Variants in TAF3 observed in about 807,000 individuals in gnomAD.
The protein encoded by TAF3 is transcription initiation factor TFIID subunit 3.
TAF3 carries 7 observed loss-of-function variants against 80.6 expected under a neutral mutation model. The observed-to-expected ratio is 0.09, with a 90% confidence interval of 0.05 to 0.16. TAF3 has a LOEUF of 0.16. TAF3 is among the 10% of genes least tolerant of loss of function. The pLI is 1.00. For synonymous variants in TAF3, 444 were observed against 446.1 expected (o/e 1.00, Z 0.06); for missense variants, 921 against 1,140.2 (o/e 0.81, Z 2.77).
intron 4 of TAF3, among the ~76,000 whole-genome samples, chr10:7,994,013 T>G (rs1237150645): frequency 2.7e-5 from 4 of 150,126 alleles, no homozygotes; most frequent in Non-Finnish European, 5.9e-5. Flanking sequence ...TGTCTCTTTT[T>G]CTCCCCCATC....
intron 2 of TAF3, among the ~76,000 whole-genome samples, chr10:7,880,484 C>T (rs1837350579): frequency 6.6e-6 from 1 of 152,038 alleles, no homozygotes; most frequent in South Asian, 2.1e-4. Context: ...AACAGTGTGC[C>T]ACAGTATTGA....
intron 3 of TAF3, among the ~76,000 whole-genome samples, chr10:7,973,345 C>A (rs1831638574): frequency 6.6e-6 from 1 of 152,166 alleles, no homozygotes; most frequent in Non-Finnish European, 1.5e-5. Flanking sequence ...GGAATGCGTA[C>A]ATGCTAGTGT....
intron 2 of TAF3, among the ~76,000 whole-genome samples, chr10:7,863,124 T>C (rs141108227): frequency 4.6e-5 from 7 of 152,346 alleles, no homozygotes; most frequent in Admixed American, 6.5e-5. Flanking sequence ...TGTGGTGGAC[T>C]AACTTCTTGG....
intron 2 of TAF3, among the ~76,000 whole-genome samples, chr10:7,888,256 C>G (rs1236472602): frequency 6.6e-6 from 1 of 152,084 alleles, no homozygotes. Context: ...TTTTTTGCTT[C>G]TTTACTCCTT....
intron 4 of TAF3, among the ~76,000 whole-genome samples, chr10:7,979,145 C>G (rs1481514596): frequency 6.6e-6 from 1 of 152,022 alleles, no homozygotes; most frequent in Non-Finnish European, 1.5e-5. Context: ...GAGATCGAGA[C>G]CATCCTGTCT....
At chr10:7,840,622 C>T (rs1588519554) in intron 2 of TAF3, among the ~76,000 whole-genome samples, 1 of 151,436 alleles carries the variant, frequency 6.6e-6, no homozygotes. Flanking sequence ...AATTTTCCCA[C>T]GTGTGTGAGG....
intron 2 of TAF3, among the ~76,000 whole-genome samples, chr10:7,845,355 T>G (rs141014025): frequency 3.7e-4 from 57 of 152,324 alleles, no homozygotes; most frequent in Non-Finnish European, 6.5e-4. Context: ...TAGCATAGCT[T>G]AAGTGTAGTG....
chr10:7,818,853 C>T lies in TAF3; in HGVS notation c.144C>T (p.Gly48=). The change falls in exon 1 of 7, where the codon GGC becomes GGT. Residue 48 remains glycine, a synonymous_variant. Coordinates refer to ENST00000344293, the MANE Select transcript of TAF3 (RefSeq NM_031923.4). Reference sequence around the variant, plus strand: ...GCTATCTGCAGCAGCTGGGCCGGGGCTGCCATCGGTACTCTGAGCTCTGTG... The same window carrying T: ...GCTATCTGCAGCAGCTGGGCCGGGGTTGCCATCGGTACTCTGAGCTCTGTG... ...LQRYLQQLGR[G]CHRYSELYGR... The T allele has an allele frequency of 6.5e-7, 1 of 1,530,046 alleles. No homozygotes were observed. The highest frequency in any genetic ancestry group is 8.7e-7 in the Non-Finnish European group (1 of 1,149,824). 94.8% of individuals were successfully genotyped at this position (1,530,046 alleles called of 1,614,324 possible).
In TAF3 at chr10:7,977,141, A is replaced by G. The variant is rs1831681108; in HGVS notation, c.2233-100A>G. On this transcript the variant is annotated intron_variant, in intron 3 of 6. Coordinates refer to ENST00000344293, the MANE Select transcript of TAF3 (RefSeq NM_031923.4). ...AATTTTAGCCATATTTAAGGCTTCA[A>G]CTTTTTAACTCAGTTTGTGAGAGTG... The G allele has an allele frequency of 3.5e-6, 4 of 1,156,338 alleles. No individual in the cohort carries two copies. In the South Asian group the frequency reaches 3.9e-5, roughly 11 times the overall value. The allele number at this position is 1,156,338 out of a possible 1,614,324, so 71.6% of individuals were successfully genotyped here. A position where few individuals can be genotyped will look rare whatever the true frequency, so the allele number is the denominator to read the frequency against.
chr10:7,870,994 G>T (rs1837259956), intron 2 of TAF3, among the ~76,000 whole-genome samples: 1 of 152,110 alleles, frequency 6.6e-6, no homozygotes, highest in African/African-American at 2.4e-5. Context: ...ATCTGTGATA[G>T]AAATTATTTT....
intron 2 of TAF3, among the ~76,000 whole-genome samples, chr10:7,907,512 A>G (rs1837617586): frequency 6.6e-6 from 1 of 152,240 alleles, no homozygotes; most frequent in South Asian, 2.1e-4. Flanking sequence ...AAATAAGCCA[A>G]TTTAAGAGAA....
At chr10:8,006,307 C>T (rs984035553) in intron 4 of TAF3, among the ~76,000 whole-genome samples, 6 of 151,214 alleles carry the variant, frequency 4.0e-5, no homozygotes, top group Non-Finnish European at 8.8e-5. Flanking sequence ...ACCCAGGAGG[C>T]GGAGGTTGCA....
intron 2 of TAF3, among the ~76,000 whole-genome samples, chr10:7,882,817 A>G (rs1034434176): frequency 2.0e-5 from 3 of 152,362 alleles, no homozygotes; most frequent in South Asian, 2.1e-4. Context: ...AGACTTACAG[A>G]AAAGATACAA....
chr10:7,868,955 A>T (rs1388703576), intron 2 of TAF3, among the ~76,000 whole-genome samples: 1 of 152,148 alleles, frequency 6.6e-6, no homozygotes, highest in Non-Finnish European at 1.5e-5. Flanking sequence ...TCCAGAATTT[A>T]TGCTTTTAAT....
intron 3 of TAF3, among the ~76,000 whole-genome samples, chr10:7,970,098 A>G (rs751553476): frequency 6.6e-6 from 1 of 152,252 alleles, no homozygotes; most frequent in Non-Finnish European, 1.5e-5. Context: ...GTAGAGGACT[A>G]CAACAGTTCC....
At chr10:7,941,569 A>G (rs10795578) in intron 2 of TAF3, among the ~76,000 whole-genome samples, 83,968 of 152,052 alleles carry the variant, frequency 0.55, 24,739 homozygotes, top group East Asian at 0.71. Context: ...AGGAAGAGCC[A>G]CTGCCCTCTG....
At chr10:8,002,070 C>G (rs1305839966) in intron 4 of TAF3, among the ~76,000 whole-genome samples, 1 of 152,146 alleles carries the variant, frequency 6.6e-6, no homozygotes, top group African/African-American at 2.4e-5. Context: ...TTGTTGATAA[C>G]TTACATTTTC....
chr10:7,945,003 A>AT (rs888807810), intron 2 of TAF3, among the ~76,000 whole-genome samples: 10 of 152,234 alleles, frequency 6.6e-5, no homozygotes, highest in Non-Finnish European at 1.2e-4. Context: ...TATGGGCAGC[A>AT]TGAAAACATA....
intron 4 of TAF3, among the ~76,000 whole-genome samples, chr10:8,007,005 G>T (rs1467636795): frequency 6.6e-6 from 1 of 152,178 alleles, no homozygotes; most frequent in East Asian, 1.9e-4. Context: ...CAGTCCACAG[G>T]CTGGCAATTC....
Sources: allele counts gnomAD v4.1 joint callset (sites outside exome capture counted in the v4.1 genomes callset), GRCh38; gene constraint gnomAD v4.1.1; transcripts MANE v1.5; gene names NCBI Gene and HGNC (gene_info 2026-07-23, HGNC 2026-07-21).